CCDC149: variants seen among roughly 807,000 people sequenced by gnomAD.
The protein encoded by CCDC149 is coiled-coil domain containing 149.
In CCDC149, 45 loss-of-function variants were observed where a neutral mutation model predicts 59.9. The observed-to-expected ratio is 0.75, with a 90% confidence interval of 0.59 to 0.96. The LOEUF (loss-of-function observed/expected upper bound fraction) is 0.96. Ranked by LOEUF, CCDC149 falls within the 40% of genes least tolerant of loss-of-function variation. The pLI, the probability that CCDC149 is intolerant of heterozygous loss-of-function variation, is 0.00. For synonymous variants in CCDC149, 245 were observed against 260.6 expected (o/e 0.94, Z 0.58); for missense variants, 584 against 664.7 (o/e 0.88, Z 1.33).
intron 1 of CCDC149, among the ~76,000 whole-genome samples, chr4:24,951,128 T>C (rs1355042488): frequency 1.3e-5 from 2 of 152,228 alleles, no homozygotes; most frequent in Non-Finnish European, 2.9e-5. Flanking sequence ...GTGGGTTCCG[T>C]GGGTGCCCAG....
intron 3 of CCDC149, among the ~76,000 whole-genome samples, chr4:24,870,914 G>C (rs912677979): frequency 1.3e-5 from 2 of 151,730 alleles, no homozygotes; most frequent in African/African-American, 4.8e-5. Flanking sequence ...GCATGGTGGC[G>C]GGTGCCTGTA....
chr4:24,924,669 G>A (rs146894374), intron 1 of CCDC149, among the ~76,000 whole-genome samples: 117 of 152,266 alleles, frequency 7.7e-4, no homozygotes, highest in African/African-American at 2.6e-3. Flanking sequence ...TTCTCATGGC[G>A]CCATGGAGTT....
At chr4:24,874,249 TTTTTTTTTTTG>T (rs1206943045) in intron 2 of CCDC149, among the ~76,000 whole-genome samples, 1 of 89,686 alleles carries the variant, frequency 1.1e-5, no homozygotes, top group African/African-American at 5.2e-5. Flanking sequence ...GATTTGTTTT[TTTTTTTTTTTG>T]TTTTGTTTTT....
rs1455818649 is a variant in CCDC149 at position 24,944,734 on chromosome 4, C to T, written c.-65+35335G>A. Among the ~76,000 whole-genome samples the T allele has an allele frequency of 3.9e-5, 6 of 152,116 alleles. No homozygotes were observed. The South Asian group carries it at 1.2e-3, about 32-fold the overall frequency. ...ATGTAACAAACCTGCACGTTCAGCA[C>T]ATGTATCCCAGAACTTAAAGTAAAA... On this transcript the variant is annotated intron_variant, in intron 1 of 12. Transcript: ENST00000389609.
intron 1 of CCDC149, among the ~76,000 whole-genome samples, chr4:24,901,130 T>G (rs1284179097): frequency 6.6e-6 from 1 of 152,212 alleles, no homozygotes; most frequent in Non-Finnish European, 1.5e-5. Context: ...GGATGTTTGT[T>G]GCAATAAAAT....
chr4:24,916,788 G>GT (rs1722133774), upstream of CCDC149, among the ~76,000 whole-genome samples: 1 of 2,296 alleles, frequency 4.4e-4, no homozygotes, highest in African/African-American at 9.5e-4. Context: ...GTTTATAATG[G>GT]TGTGTGTGTG....
intron 9 of CCDC149, among the ~76,000 whole-genome samples, chr4:24,824,174 T>C (rs1715578694): frequency 6.6e-6 from 1 of 152,226 alleles, no homozygotes; most frequent in African/African-American, 2.4e-5. Flanking sequence ...TATTGGGTTA[T>C]ATTTTTTCTG....
intron 9 of CCDC149, chr4:24,828,934 T>A (rs1715943235): frequency 6.6e-6 from 1 of 152,416 alleles, no homozygotes; most frequent in Non-Finnish European, 1.5e-5. Flanking sequence ...GGGGCATGGG[T>A]GTGTTTGCAG....
chr4:24,940,766 C>A (rs1413546088), intron 1 of CCDC149, among the ~76,000 whole-genome samples: 1 of 152,124 alleles, frequency 6.6e-6, no homozygotes, highest in Non-Finnish European at 1.5e-5. Flanking sequence ...ATAAAACAGA[C>A]TTTAAACCAA....
Position 24,926,120 on chromosome 4 carries a change from C to T in CCDC149, c.-64-31002G>A, listed in dbSNP as rs1056014823. Among the ~76,000 whole-genome samples the T allele has an allele frequency of 1.8e-4, 28 of 152,204 alleles. No individual in the cohort carries two copies. The East Asian group carries it at 4.8e-3, about 26-fold the overall frequency. On this transcript the variant is annotated intron_variant, in intron 1 of 12. Transcript: ENST00000389609. The stretch of plus-strand genomic sequence containing the variant: ...CTGTGGCAGGAGAATCGCTTGAACC[C>T]GGGAGGTGGAGATTACAGTGACCCA...
chr4:24,948,245 C>A (rs1056203297), intron 1 of CCDC149, among the ~76,000 whole-genome samples: 4 of 152,166 alleles, frequency 2.6e-5, no homozygotes, highest in African/African-American at 7.2e-5. Context: ...TAGGGATTTG[C>A]CATCAGGTGA....
intron 4 of CCDC149, among the ~76,000 whole-genome samples, chr4:24,850,375 T>C (rs562314787): frequency 6.6e-6 from 1 of 152,302 alleles, no homozygotes; most frequent in Admixed American, 6.5e-5. Context: ...GAGCAGGACA[T>C]TGCAGGTTGC....
intron 1 of CCDC149, among the ~76,000 whole-genome samples, chr4:24,899,844 G>A (rs4053966): frequency 0.68 from 103,282 of 152,068 alleles, 37,029 homozygotes; most frequent in Non-Finnish European, 0.79. Context: ...CAGGGCATTC[G>A]AGGTCTGCCT....
At chr4:24,846,015 C>T (rs1013005801) in intron 4 of CCDC149, among the ~76,000 whole-genome samples, 11 of 152,148 alleles carry the variant, frequency 7.2e-5, no homozygotes, top group Admixed American at 5.2e-4. Flanking sequence ...AATCAGTTCT[C>T]CACTAGGAAG....
In CCDC149 at chr4:24,918,280, G is replaced by GA. The variant is rs532779004; in HGVS notation, c.-64-23163dup. The stretch of plus-strand genomic sequence containing the variant: ...AAGAATAATGGGGCTTGGGGATGGG[G>GA]AAAAAAAACAAAGAAAACAATTTGA... On this transcript the variant is annotated intron_variant, in intron 1 of 12. Coordinates refer to the CCDC149 transcript ENST00000389609. 3.3e-5 allele frequency among the ~76,000 whole-genome samples: 5 copies of GA among 151,920 alleles called. No individual in the cohort carries two copies. In the East Asian group the frequency reaches 5.8e-4, roughly 18 times the overall value.
chr4:24,916,298 T>G (rs1577483920), upstream of CCDC149, among the ~76,000 whole-genome samples: 1 of 152,216 alleles, frequency 6.6e-6, no homozygotes, highest in East Asian at 1.9e-4. Context: ...TGCTTTTCAC[T>G]TTTAAAAGTT....
chr4:24,972,361 G>C (rs773692727), intron 1 of CCDC149, among the ~76,000 whole-genome samples: 1 of 147,380 alleles, frequency 6.8e-6, no homozygotes, highest in Non-Finnish European at 1.5e-5. Flanking sequence ...AGGCTGGAGT[G>C]CAGTGGTGCC....
chr4:24,838,380 A>G, intron 4 of CCDC149, 108 bp from the exon 5 acceptor site: 1 of 754,472 alleles, frequency 1.3e-6, no homozygotes, highest in Non-Finnish European at 2.3e-6. Flanking sequence ...CTTTCAAGAA[A>G]TACTGGAGAA....
At chr4:24,852,984 C>G (rs1006371586) in intron 4 of CCDC149, 88 bp downstream of exon 4, 16 of 823,666 alleles carry the variant, frequency 1.9e-5, no homozygotes, top group Non-Finnish European at 2.6e-5. Context: ...TCAACAAATG[C>G]TGCATTACAT....
Sources: allele counts gnomAD v4.1 joint callset (sites outside exome capture counted in the v4.1 genomes callset), GRCh38; gene constraint gnomAD v4.1.1; transcripts MANE v1.5; gene names NCBI Gene and HGNC (gene_info 2026-07-23, HGNC 2026-07-21).